The following KCNIP4 variants were observed in gnomAD, a reference collection of about 807,000 sequenced individuals.
KCNIP4 encodes the protein Kv channel-interacting protein 4.
A neutral mutation model predicts 34.0 loss-of-function variants in KCNIP4; 12 were observed. The ratio of observed to expected loss-of-function variants is 0.35; its 90% confidence interval spans 0.23 to 0.57. KCNIP4 has a LOEUF of 0.57. KCNIP4 is among the 20% of genes least tolerant of loss of function. The pLI, the probability that KCNIP4 is intolerant of heterozygous loss-of-function variation, is 0.83. For synonymous variants in KCNIP4, 124 were observed against 102.2 expected (o/e 1.21, Z -1.29); for missense variants, 238 against 311.7 (o/e 0.76, Z 1.78).
intron 1 of KCNIP4, among the ~76,000 whole-genome samples, chr4:21,671,675 C>T (rs374001768): frequency 3.3e-5 from 5 of 152,146 alleles, no homozygotes; most frequent in Non-Finnish European, 7.4e-5. Context: ...ATTCTGAGAA[C>T]ATGTTACTCA....
At chr4:21,388,394 C>T (rs1722232042) in intron 1 of KCNIP4, among the ~76,000 whole-genome samples, 1 of 151,800 alleles carries the variant, frequency 6.6e-6, no homozygotes, top group South Asian at 2.1e-4. Flanking sequence ...CATAATGAGG[C>T]TTTCTTCAAT....
chr4:21,704,655 T>C (rs1713124957), intron 1 of KCNIP4, among the ~76,000 whole-genome samples: 1 of 152,122 alleles, frequency 6.6e-6, no homozygotes, highest in Non-Finnish European at 1.5e-5. Context: ...AAAACTACAA[T>C]GAGTTATTAC....
intron 3 of KCNIP4, among the ~76,000 whole-genome samples, chr4:20,771,104 G>T (rs867010023): frequency 1.1e-4 from 16 of 152,080 alleles, no homozygotes; most frequent in Admixed American, 2.0e-4. Context: ...CGAGACTTAA[G>T]TATCCCCAGA....
intron 1 of KCNIP4, among the ~76,000 whole-genome samples, chr4:21,234,068 A>G (rs1304076003): frequency 9.1e-6 from 1 of 110,380 alleles, no homozygotes; most frequent in Non-Finnish European, 1.6e-5. Flanking sequence ...CATATATAAC[A>G]TAACATAACA....
chr4:21,685,261 A>G (rs568834664), intron 1 of KCNIP4, among the ~76,000 whole-genome samples: 1 of 152,304 alleles, frequency 6.6e-6, no homozygotes, highest in South Asian at 2.1e-4. Context: ...CTGAAACAGG[A>G]CTTAGTGCTG....
chr4:21,320,720 C>G (rs1027794918), intron 1 of KCNIP4, among the ~76,000 whole-genome samples: 5 of 151,992 alleles, frequency 3.3e-5, no homozygotes, highest in African/African-American at 1.2e-4. Context: ...CCTGTAATCT[C>G]AGCACTTTGG....
At chr4:21,024,765 C>T (rs1185044945) in intron 1 of KCNIP4, among the ~76,000 whole-genome samples, 3 of 152,236 alleles carry the variant, frequency 2.0e-5, no homozygotes, top group Non-Finnish European at 4.4e-5. Context: ...CAGGGCTGTG[C>T]TTTCTGCTTT....
chr4:21,801,823 T>C (rs1401657114), intron 1 of KCNIP4, among the ~76,000 whole-genome samples: 1 of 151,600 alleles, frequency 6.6e-6, no homozygotes, highest in African/African-American at 2.4e-5. Flanking sequence ...AGGATGTAGA[T>C]ACCAGGCTGA....
chr4:21,674,187 T>A (rs537999735), intron 1 of KCNIP4, among the ~76,000 whole-genome samples: 1 of 152,198 alleles, frequency 6.6e-6, no homozygotes, highest in Non-Finnish European at 1.5e-5. Context: ...CTAGTCTAAT[T>A]TTTTTCTTAG....
intron 1 of KCNIP4, among the ~76,000 whole-genome samples, chr4:21,022,559 T>C (rs1168740240): frequency 2.0e-5 from 3 of 152,216 alleles, no homozygotes; most frequent in Non-Finnish European, 2.9e-5. Flanking sequence ...TAGCATGAGA[T>C]GAAAATCCAC....
intron 1 of KCNIP4, among the ~76,000 whole-genome samples, chr4:21,661,041 T>C (rs140858008): frequency 6.6e-6 from 1 of 151,886 alleles, no homozygotes; most frequent in East Asian, 1.9e-4. Flanking sequence ...CCAAGCTCCA[T>C]AGGCAGAGCA....
At chr4:21,733,223 A>C (rs1299865207) in intron 1 of KCNIP4, among the ~76,000 whole-genome samples, 1 of 152,110 alleles carries the variant, frequency 6.6e-6, no homozygotes, top group Non-Finnish European at 1.5e-5. Flanking sequence ...TTTATATTCA[A>C]CTTCCCAGTT....
At chr4:21,398,044 T>G (rs1292812334) in intron 1 of KCNIP4, among the ~76,000 whole-genome samples, 1 of 152,178 alleles carries the variant, frequency 6.6e-6, no homozygotes, top group Non-Finnish European at 1.5e-5. Flanking sequence ...GGCTGAAAAG[T>G]CAGACCTCAC....
intron 1 of KCNIP4, among the ~76,000 whole-genome samples, chr4:20,988,312 G>A (rs111640723): frequency 2.0e-5 from 3 of 152,164 alleles, no homozygotes. Context: ...TCTTAGGAAA[G>A]TAAAAACTCA....
At chr4:20,794,423 G>T (rs1261958705) in intron 3 of KCNIP4, among the ~76,000 whole-genome samples, 1 of 152,156 alleles carries the variant, frequency 6.6e-6, no homozygotes, top group Non-Finnish European at 1.5e-5. Context: ...TCAGTCAGTT[G>T]TGGCCCAGGA....
At chr4:21,221,833 T>C (rs1758002454) in intron 1 of KCNIP4, among the ~76,000 whole-genome samples, 1 of 152,172 alleles carries the variant, frequency 6.6e-6, no homozygotes, top group Admixed American at 6.5e-5. Context: ...AATGCTACAA[T>C]CTGAATCTAG....
At chr4:21,200,159 G>A (rs1176859594) in intron 1 of KCNIP4, among the ~76,000 whole-genome samples, 1 of 151,678 alleles carries the variant, frequency 6.6e-6, no homozygotes, top group Non-Finnish European at 1.5e-5. Flanking sequence ...CCTGCACATT[G>A]TGCACATGTA....
chr4:21,616,021 T>G (rs368388610), intron 1 of KCNIP4, among the ~76,000 whole-genome samples: 1 of 152,192 alleles, frequency 6.6e-6, no homozygotes, highest in Non-Finnish European at 1.5e-5. Flanking sequence ...TCAGACCATG[T>G]CATGCCTCTG....
intron 1 of KCNIP4, among the ~76,000 whole-genome samples, chr4:21,432,492 A>G (rs1265380774): frequency 1.3e-5 from 2 of 152,140 alleles, no homozygotes; most frequent in East Asian, 1.9e-4. Context: ...ATGATGTTCA[A>G]CAGTCCTAAT....
Sources: allele counts gnomAD v4.1 joint callset (sites outside exome capture counted in the v4.1 genomes callset), GRCh38; gene constraint gnomAD v4.1.1; transcripts MANE v1.5; gene names NCBI Gene and HGNC (gene_info 2026-07-23, HGNC 2026-07-21).